The following RECQL4 variants were observed in gnomAD, a reference collection of about 807,000 sequenced individuals.
RECQL4 encodes the protein RecQ like helicase 4.
RECQL4 carries 158 observed loss-of-function variants against 128.6 expected under a neutral mutation model. The observed-to-expected ratio is 1.23, with a 90% CI of 1.08 to 1.40. The LOEUF (loss-of-function observed/expected upper bound fraction) is 1.40, where lower values mean the gene tolerates loss of function less well. Among genes scored for constraint, RECQL4 ranks in the 40% most tolerant of loss-of-function variants. The pLI, the probability that RECQL4 is intolerant of heterozygous loss-of-function variation, is 0.00. For synonymous variants in RECQL4, 996 were observed against 678.9 expected (o/e 1.47, Z -7.26); for missense variants, 2,293 against 1,649.8 (o/e 1.39, Z -6.75).
chr8:144,517,228 G>C (rs1235082777), intron 3 of RECQL4, 38 bp from the exon 4 acceptor site: 1 of 1,558,568 alleles, frequency 6.4e-7, no homozygotes, highest in African/African-American at 1.4e-5. Context: ...AGAAAAGGCT[G>C]TTGTGGCGGC....
rs764740703 is a variant in RECQL4, at chr8:144,511,386, C to G, written c.*45G>C. ...CCAGGTCCTCAGTCACTGCCCTAGCCTCTGACAACCCCAGCTCTACCCGAC... is the reference window on the plus strand; with the variant it reads ...CCAGGTCCTCAGTCACTGCCCTAGCGTCTGACAACCCCAGCTCTACCCGAC... On this transcript the variant is annotated 3_prime_UTR_variant, in exon 21 of 21. Coordinates refer to ENST00000617875, the MANE Select transcript of RECQL4 (RefSeq NM_004260.4). 1.2e-6 allele frequency: 2 copies of G among 1,601,366 alleles called. No homozygotes were observed. The highest frequency in any genetic ancestry group is 1.7e-6 in the Non-Finnish European group (2 of 1,170,418).
rs773819025 is a variant in RECQL4, at chr8:144,513,366, A to T, written c.2315T>A (p.Val772Glu). 1 of 1,606,534 alleles carries T rather than the reference A, an allele frequency of 6.2e-7. No individual in the cohort carries two copies. Residue 772 changes from valine (V) to glutamate (E), a missense_variant, in exon 14 of 21, where the codon GTG becomes GAG. Physicochemically the swap from Val to Glu is moderately radical, Grantham distance 121. Coordinates refer to ENST00000617875, the MANE Select transcript of RECQL4 (RefSeq NM_004260.4). The stretch of plus-strand genomic sequence containing the variant: ...CCGGTCCAGCCCCATCCCAAAGGCC[A>T]CCGTGGCCACCACCACCCGCAACTG... ...QGQLRVVVAT[V>E]AFGMGLDRPD...
rs1554898312 is a variant in RECQL4 at position 144,513,354 on chromosome 8, A to G, written c.2327T>C (p.Met776Thr). The change falls in exon 14 of 21, where the codon ATG becomes ACG. Residue 776 changes from methionine (M) to threonine (T), a missense_variant. Met to Thr is a moderately conservative substitution (Grantham distance 81, BLOSUM62 -1). Coordinates refer to ENST00000617875, the MANE Select transcript of RECQL4 (RefSeq NM_004260.4). ...RVVVATVAFGMGLDRPDVRAV... is the reference protein window; with the variant it reads ...RVVVATVAFGTGLDRPDVRAV... Reference sequence around the variant, plus strand: ...CCGCACATCTGGCCGGTCCAGCCCCATCCCAAAGGCCACCGTGGCCACCAC... The same window carrying G: ...CCGCACATCTGGCCGGTCCAGCCCCGTCCCAAAGGCCACCGTGGCCACCAC... 3 of 1,605,956 alleles carry G rather than the reference A, an allele frequency of 1.9e-6. No individual in the cohort carries two copies. The highest frequency in any genetic ancestry group is 2.5e-6 in the Non-Finnish European group (3 of 1,179,668).
intron 9 of RECQL4, 96 bp from the exon 10 acceptor site, chr8:144,514,621 CAG>C (rs1827880126): frequency 5.4e-6 from 7 of 1,303,762 alleles, no homozygotes; most frequent in South Asian, 2.8e-5. Context: ...CCTAGTCCCT[CAG>C]GGGAGAGGAG....
rs376364416 is a variant in RECQL4, at chr8:144,514,287, C to G, written c.1780G>C (p.Ala594Pro). Residue 594 changes from alanine (A) to proline (P), a missense_variant, in exon 11 of 21, where the codon GCA (alanine) becomes CCA (proline). Ala to Pro is a conservative substitution (Grantham distance 27). Transcript: ENST00000617875. ...LVGAGGLPPA[A>P]QLPPVAFACI... ...GCAAAAGCAACTGGAGGCAGCTGTG[C>G]GGCTGGAGGGAGGCCTCCCGCCCCC... 6.2e-7 allele frequency: 1 copy of G among 1,611,386 alleles called. No homozygotes were observed. The highest frequency in any genetic ancestry group is 1.1e-5 in the South Asian group (1 of 91,058).
chr8:144,512,181 G>A lies in RECQL4; in HGVS notation c.3199C>T (p.Leu1067=), dbSNP rs940883169. Residue 1067 remains leucine (L), a synonymous_variant, in exon 18 of 21, where the codon CTG becomes TTG. Transcript: ENST00000617875. ...TGGAAGGTTCTGCGCAGACGGGCCA[G>A]GGCCTGGCGCTCCCGGGCCTGCACA... The part of the protein sequence containing the change: ...GRVQARERQA[L]ARLRRTFQAF... 1.9e-6 allele frequency: 3 copies of A among 1,611,634 alleles called. No homozygotes were observed. The highest frequency in any genetic ancestry group is 1.3e-5 in the African/African-American group (1 of 74,934).
chr8:144,516,673 G>A lies in RECQL4; in HGVS notation c.446C>T (p.Pro149Leu), dbSNP rs773579080. 50 of 1,594,998 alleles carry A rather than the reference G, an allele frequency of 3.1e-5. No homozygotes were observed. The highest frequency in any genetic ancestry group is 3.6e-5 in the Non-Finnish European group (42 of 1,170,628). The change falls in exon 5 of 21, where the codon CCC becomes CTC. Residue 149 changes from proline (P) to leucine (L), a missense_variant. Pro to Leu is a moderately conservative substitution (Grantham distance 98). Transcript: ENST00000617875. ...ATCACTGACTTTTTCTGCAAAGGAG[G>A]GGACAGGCCCTGTACCTGGGGGCTT... Reference protein sequence around the residue: ...TPKPPGTGPVPSFAEKVSDEP... With the variant: ...TPKPPGTGPVLSFAEKVSDEP...
Position 144,511,407 on chromosome 8 carries a change from C to A in RECQL4, c.*24G>T. ...TAGCCTCTGACAACCCCAGCTCTAC[C>A]CGACATCCCCCAATGCAGTGCAGTC... On this transcript the variant is annotated 3_prime_UTR_variant, in exon 21 of 21. Transcript: ENST00000617875. 2 of 1,606,242 alleles carry A rather than the reference C, an allele frequency of 1.2e-6. No individual in the cohort carries two copies. The highest frequency in any genetic ancestry group is 1.7e-6 in the Non-Finnish European group (2 of 1,174,516).
chr8:144,511,769 C>T lies in RECQL4; in HGVS notation c.3414G>A (p.Gln1138=), dbSNP rs2130652091. 1 of 1,612,614 alleles carries T rather than the reference C, an allele frequency of 6.2e-7. No homozygotes were observed. Among genetic ancestry groups the T allele is most frequent in the Non-Finnish European group, 8.5e-7 (1 of 1,179,836 alleles). Residue 1138 remains glutamine, a synonymous_variant, in exon 20 of 21, where the codon CAG becomes CAA. Transcript: ENST00000617875. The stretch of plus-strand genomic sequence containing the variant: ...GGAACTGGCGGATGTCGCAGCGGAC[C>T]TGGTCCTCCCAATCCTGGAGCTGTG... ...GQARLQDWED[Q]VRCDIRQFLS... is the part of the protein sequence containing the mutation.
rs753691518 is a variant in RECQL4, at chr8:144,516,239, C to T, written c.880G>A (p.Val294Ile). ...PPSEGAGAVA[V>I]EEDPPGEPVQ... is the part of the protein sequence containing the mutation. ...GGTTCCCCTGGAGGGTCTTCCTCAA[C>T]TGCTACAGCCCCAGCCCCCTCCGAT... Residue 294 changes from valine to isoleucine, a missense_variant, in exon 5 of 21, where the codon GTT (valine) becomes ATT (isoleucine). Val to Ile is a conservative substitution (Grantham distance 29). Coordinates refer to ENST00000617875, the MANE Select transcript of RECQL4 (RefSeq NM_004260.4). 3 of 1,612,980 alleles carry T rather than the reference C, an allele frequency of 1.9e-6. No homozygotes were observed. The highest frequency in any genetic ancestry group is 2.2e-5 in the South Asian group (2 of 91,092).
rs1387642543 is a variant in RECQL4 at position 144,516,647 on chromosome 8, C to T, written c.472G>A (p.Glu158Lys). The change falls in exon 5 of 21, where the codon GAG becomes AAG. Residue 158 changes from glutamate (E) to lysine (K), a missense_variant. Transcript: ENST00000617875. ...TGGGGCTCAGGGAGCTGTGGAGGCT[C>T]ATCACTGACTTTTTCTGCAAAGGAG... ...VPSFAEKVSD[E>K]PPQLPEPQPR... 2.5e-6 allele frequency: 4 copies of T among 1,606,004 alleles called. No homozygotes were observed. The African/African-American group carries it at 5.4e-5, about 22-fold the overall frequency.
intron 8 of RECQL4, 36 bp downstream of exon 8, chr8:144,515,114 C>T (rs767438132): frequency 3.2e-6 from 5 of 1,580,334 alleles, no homozygotes; most frequent in Non-Finnish European, 4.3e-6. Context: ...TGCAGCCTGG[C>T]CTCAGCCCAG....
rs35042350 is a variant in RECQL4, at chr8:144,511,564, G to A, written c.3503-9C>T. 2 of 1,611,470 alleles carry A rather than the reference G, an allele frequency of 1.2e-6. No individual in the cohort carries two copies. Among genetic ancestry groups the A allele is most frequent in the African/African-American group, 2.7e-5 (2 of 75,032 alleles). The stretch of plus-strand genomic sequence containing the variant: ...CGGGTAGCAGGGGCTTCCTACGGTG[G>A]AGCCAAGACACAGCCGTGAGCCCCA... On this transcript the variant is annotated splice_polypyrimidine_tract_variant and intron_variant, in intron 20 of 20. Coordinates refer to ENST00000617875, the MANE Select transcript of RECQL4 (RefSeq NM_004260.4).
At chr8:144,513,748 G>A in intron 12 of RECQL4, 36 bp from the exon 13 acceptor site, 1 of 1,511,252 alleles carries the variant, frequency 6.6e-7, no homozygotes, top group South Asian at 1.3e-5. Flanking sequence ...AGTGGGGAGT[G>A]AGGAGGGGTC....
chr8:144,517,232 T>C, intron 3 of RECQL4, 42 bp from the exon 4 acceptor site: 1 of 1,553,712 alleles, frequency 6.4e-7, no homozygotes, highest in Non-Finnish European at 8.7e-7. Context: ...AAGGCTGTTG[T>C]GGCGGCAGAA....
Position 144,516,693 on chromosome 8 carries a change from G to C in RECQL4, c.426C>G (p.Pro142=), listed in dbSNP as rs1471399547. ...AGGAGGGGACAGGCCCTGTACCTGG[G>C]GGCTTTGGGGTGGATGCCTTAGATG... ...RASSKASTPK[P]PGTGPVPSFA... is the part of the protein sequence containing the mutation. The change falls in exon 5 of 21, where the codon CCC becomes CCG. Residue 142 remains proline, a synonymous_variant. Transcript: ENST00000617875. The C allele has an allele frequency of 5.1e-6, 8 of 1,561,626 alleles. No homozygotes were observed. Among genetic ancestry groups the C allele is most frequent in the Non-Finnish European group, 6.9e-6 (8 of 1,155,532 alleles).
At position 144,511,620 on chromosome 8, in the gene RECQL4, GGCCTCACCT is replaced by G. The variant is rs1457277896; in HGVS notation, c.3502+52_3502+60del. On this transcript the variant is annotated intron_variant, in intron 20 of 20. Transcript: ENST00000617875. ...AGCCTGCAGCGGGTGGAGCCTCCCA[GGCCTCACCT>G]GCCCCAGCCCCCAGCCCCAGCCTGC... 5 of 1,606,986 alleles carry G rather than the reference GGCCTCACCT, an allele frequency of 3.1e-6. No individual in the cohort carries two copies. The Admixed American group carries it at 8.4e-5, about 27-fold the overall frequency.
intron 20 of RECQL4, 39 bp downstream of exon 20, chr8:144,511,629 TGCCCCAGCCCCCA>T (rs1162290087): frequency 4.4e-6 from 7 of 1,605,916 alleles, no homozygotes; most frequent in East Asian, 2.2e-5. Flanking sequence ...AGGCCTCACC[TGCCCCAGCCCCCA>T]GCCCCAGCCT....
At chr8:144,512,585 T>G in intron 16 of RECQL4, 24 bp from the exon 17 acceptor site, 6 of 1,612,080 alleles carry the variant, frequency 3.7e-6, no homozygotes, top group Non-Finnish European at 5.1e-6. Flanking sequence ...AAAAGGGACA[T>G]GTGGCCAACA....
Sources: gnomAD v4.1 joint callset for allele counts on GRCh38, gnomAD v4.1.1 for gene constraint, MANE v1.5 for transcripts, NCBI Gene and HGNC (gene_info 2026-07-23, HGNC 2026-07-21) for gene names.